Variants in PNKD observed in about 807,000 individuals in gnomAD.
PNKD encodes the protein PNKD metallo-beta-lactamase domain containing.
Under a neutral mutation model 45.3 loss-of-function variants are expected in PNKD, and 36 were observed. The ratio of observed to expected loss-of-function variants is 0.80; its 90% CI spans 0.61 to 1.05. The LOEUF is 1.05. Among genes scored for constraint, PNKD ranks in the 50% least tolerant of loss-of-function variants. The pLI, the probability that PNKD is intolerant of heterozygous loss-of-function variation, is 0.00. For synonymous variants in PNKD, 197 were observed against 210.1 expected (o/e 0.94, Z 0.54); for missense variants, 511 against 506.6 (o/e 1.01, Z -0.08).
chr2:218,289,659 A>G (rs925897755), intron 2 of PNKD, among the ~76,000 whole-genome samples: 30 of 150,242 alleles, frequency 2.0e-4, no homozygotes, highest in Non-Finnish European at 3.7e-4. Flanking sequence ...GAAAGATCAA[A>G]GTCCACTCTG....
At chr2:218,315,333 G>T (rs922399995) in intron 2 of PNKD, among the ~76,000 whole-genome samples, 2 of 151,660 alleles carry the variant, frequency 1.3e-5, no homozygotes, top group African/African-American at 4.8e-5. Context: ...GTAGAGACGG[G>T]GTTTCACCAT....
chr2:218,274,747 T>C (rs1165212655), intron 2 of PNKD: 3 of 155,046 alleles, frequency 1.9e-5, no homozygotes, highest in Non-Finnish European at 4.4e-5. Flanking sequence ...GGGGAGCAGA[T>C]GGCCACATGT....
intron 2 of PNKD, among the ~76,000 whole-genome samples, chr2:218,335,174 A>AATAAAT (rs1694452385): frequency 6.6e-6 from 1 of 151,098 alleles, no homozygotes; most frequent in Non-Finnish European, 1.5e-5. Flanking sequence ...TAAATAAATA[A>AATAAAT]ATAAATATAA....
intron 2 of PNKD, chr2:218,282,145 T>C (rs2292554): frequency 0.39 from 574,888 of 1,481,626 alleles, 113,145 homozygotes; most frequent in Middle Eastern, 0.49. Flanking sequence ...TGGACATGGC[T>C]GCTCACGGGC....
intron 2 of PNKD, chr2:218,272,658 C>G: frequency 6.2e-7 from 1 of 1,614,202 alleles, no homozygotes; most frequent in African/African-American, 1.3e-5. Context: ...GAAGGCTCGG[C>G]AGAACATGCG....
chr2:218,321,272 T>C (rs572104536), intron 2 of PNKD, among the ~76,000 whole-genome samples: 1 of 152,318 alleles, frequency 6.6e-6, no homozygotes, highest in Admixed American at 6.5e-5. Flanking sequence ...GATCCTTCAC[T>C]TTGCATGTAC....
Position 218,270,585 on chromosome 2 carries a change from AT to A in PNKD, c.51del (p.Asn17LysfsTer56). On this transcript the variant is annotated frameshift_variant, in exon 1 of 10. Transcript: ENST00000273077. LOFTEE classifies it high-confidence loss of function. ...ATALKGRGAR[N>X]ARVLRGILAG... ...GCGCTGAAGGGCCGGGGGGCGAGAAATGCCCGCGTCCTCCGGGGTAAGGAGA... is the reference window on the plus strand; with the variant it reads ...GCGCTGAAGGGCCGGGGGGCGAGAAAGCCCGCGTCCTCCGGGGTAAGGAGA... The A allele has an allele frequency of 8.9e-7, 1 of 1,124,110 alleles. No homozygotes were observed. Among genetic ancestry groups the A allele is most frequent in the Non-Finnish European group, 1.2e-6 (1 of 861,830 alleles). 69.6% of individuals were successfully genotyped at this position (1,124,110 alleles called of 1,614,324 possible). A position where few individuals can be genotyped will look rare whatever the true frequency, so the allele number is the denominator to read the frequency against.
intron 2 of PNKD, chr2:218,280,421 A>C: frequency 2.8e-6 from 1 of 355,796 alleles, no homozygotes; most frequent in Non-Finnish European, 5.3e-6. Context: ...TGGGGAAGCC[A>C]GGCAGGAGCA....
intron 2 of PNKD, chr2:218,277,972 C>T (rs778758987): frequency 6.8e-6 from 11 of 1,614,140 alleles, no homozygotes; most frequent in Non-Finnish European, 7.6e-6. Flanking sequence ...TGGGAAACGG[C>T]GTCTGAAGGG....
intron 2 of PNKD, chr2:218,278,971 TG>T: frequency 6.3e-7 from 1 of 1,587,480 alleles, no homozygotes. Context: ...TGAGCAAAGC[TG>T]GTCACCTAGA....
At chr2:218,343,330 C>T (rs1005111751) in intron 7 of PNKD, among the ~76,000 whole-genome samples, 170 bp from the exon 8 acceptor site, 14 of 152,170 alleles carry the variant, frequency 9.2e-5, no homozygotes, top group Non-Finnish European at 1.5e-4. Flanking sequence ...CCAGTTGGGC[C>T]CAGTTCCCAG....
intron 2 of PNKD, among the ~76,000 whole-genome samples, chr2:218,318,837 T>C (rs908794980): frequency 1.3e-5 from 2 of 151,182 alleles, no homozygotes; most frequent in South Asian, 2.1e-4. Context: ...AGTAATAGAG[T>C]AGAGAGTGAG....
chr2:218,276,884 C>G (rs1172065591), intron 2 of PNKD: 2 of 764,826 alleles, frequency 2.6e-6, no homozygotes, highest in Non-Finnish European at 2.3e-6. Context: ...GCTAGCCAGT[C>G]GAGAGGTTCT....
chr2:218,315,057 T>TTCCTTC (rs1553667776), intron 2 of PNKD, among the ~76,000 whole-genome samples: 10 of 55,642 alleles, frequency 1.8e-4, no homozygotes, highest in East Asian at 5.4e-4. Flanking sequence ...TTTCTTTCTT[T>TTCCTTC]CTTCCTTCCT....
Position 218,340,741 on chromosome 2 carries a change from A to G in PNKD, c.479A>G (p.Lys160Arg), listed in dbSNP as rs1694648277. Reference sequence around the variant, plus strand: ...TCTCTCTCGCAGGCTTCCATTGAAAAGGAAGGGGTCACCTTGGTCGCCATT... The same window carrying G: ...TCTCTCTCGCAGGCTTCCATTGAAAGGGAAGGGGTCACCTTGGTCGCCATT... ...DPRAVQASIE[K>R]EGVTLVAILC... The change falls in exon 5 of 10, where the codon AAG (lysine) becomes AGG (arginine). Residue 160 changes from lysine to arginine, a missense_variant. Transcript: ENST00000273077. The surrounding 1 kb of genome is among the most constrained non-coding windows in gnomAD (Gnocchi z 4.2). The G allele has an allele frequency of 6.2e-7, 1 of 1,613,698 alleles. No homozygotes were observed. The highest frequency in any genetic ancestry group is 1.3e-5 in the African/African-American group (1 of 75,012).
chr2:218,329,268 C>T (rs1694247967), intron 2 of PNKD, among the ~76,000 whole-genome samples: 1 of 152,226 alleles, frequency 6.6e-6, no homozygotes, highest in African/African-American at 2.4e-5. Context: ...CCACTAGAAC[C>T]CTGTGTCCTT....
rs144458432 is a variant in PNKD at position 218,296,644 on chromosome 2, A to T, written c.236+25095A>T. On this transcript the variant is annotated intron_variant, in intron 2 of 9. Transcript: ENST00000273077. ...CATGCATTGATCACTAACTTTCTGA[A>T]AGAAGTTGCCTTTTTTCTGTTTTTC... is the stretch of plus-strand genomic sequence containing the variant. 7.5e-3 allele frequency among the ~76,000 whole-genome samples: 1,134 copies of T among 152,168 alleles called. 13 individuals are homozygous for T. The highest frequency in any genetic ancestry group is 0.024 in the African/African-American group (1,006 of 41,510).
chr2:218,335,670 A>G (rs915077323), intron 2 of PNKD, among the ~76,000 whole-genome samples: 2 of 152,194 alleles, frequency 1.3e-5, no homozygotes, highest in Non-Finnish European at 2.9e-5. Flanking sequence ...AGGCCTACGA[A>G]AAAGGAACAT....
rs180771381 is a variant in PNKD at position 218,295,041 on chromosome 2, G to A, written c.236+23492G>A. ...AATCACCAGCGACTCACATCTGCCC[G>A]ACTGGGGGAGTGGGACATGGGGCAC... On this transcript the variant is annotated intron_variant, in intron 2 of 9. Coordinates refer to ENST00000273077, the MANE Select transcript of PNKD (RefSeq NM_015488.5). Among the ~76,000 whole-genome samples the A allele has an allele frequency of 4.6e-5, 7 of 152,248 alleles. No individual in the cohort carries two copies. The East Asian group carries it at 9.6e-4, about 21-fold the overall frequency.
Sources: gnomAD v4.1 joint callset for allele counts (sites outside exome capture counted in the v4.1 genomes callset) on GRCh38, gnomAD v4.1.1 for gene constraint, Gnocchi (gnomAD v3.1) non-coding constraint, MANE v1.5 for transcripts, NCBI Gene and HGNC (gene_info 2026-07-23, HGNC 2026-07-21) for gene names.